Variants in TUBA8 observed in about 807,000 individuals in gnomAD.
The protein encoded by TUBA8 is tubulin alpha 8.
TUBA8 carries 29 observed loss-of-function variants against 34.7 expected under a neutral mutation model. The ratio of observed to expected loss-of-function variants is 0.84; its 90% confidence interval spans 0.62 to 1.14. The LOEUF is 1.14. Among genes scored for constraint, TUBA8 ranks in the 50% most tolerant of loss-of-function variants. The probability of loss-of-function intolerance (pLI) is 0.00; values close to 1 mark genes in which losing one functional copy is unlikely to be tolerated. For missense variants in TUBA8, 541 were observed against 599.2 expected, an observed-to-expected ratio of 0.90 and a Z score of 1.01; for synonymous variants, 226 against 231.2, an observed-to-expected ratio of 0.98 and a Z score of 0.21.
rs759580301 is a variant in TUBA8, at chr22:18,121,506, C to G, written c.31C>G (p.Gln11Glu). 1.2e-6 allele frequency: 2 copies of G among 1,614,196 alleles called. No individual in the cohort carries two copies. The highest frequency in any genetic ancestry group is 1.1e-5 in the South Asian group (1 of 91,084). The change falls in exon 2 of 5, where the codon CAA (glutamine) becomes GAA (glutamate). Residue 11 changes from glutamine to glutamate, a missense_variant. Physicochemically the swap from Gln to Glu is conservative, Grantham distance 29. Transcript: ENST00000330423. This position sits in a 1 kb window ranked among gnomAD's most constrained non-coding sequence, Gnocchi z 4.8. The part of the protein sequence containing the change: MRECISVHVG[Q>E]AGVQIGNACW... ...GGAATGCATATCAGTCCACGTGGGC[C>G]AAGCGGGAGTTCAGATTGGCAATGC... is the stretch of plus-strand genomic sequence containing the variant.
In TUBA8 at chr22:18,124,231, A is replaced by G. The variant is rs889001153; in HGVS notation, c.302A>G (p.Asn101Ser). The G allele has an allele frequency of 6.2e-7, 1 of 1,614,192 alleles. No individual in the cohort carries two copies. The highest frequency in any genetic ancestry group is 8.5e-7 in the Non-Finnish European group (1 of 1,180,034). Residue 101 changes from asparagine to serine, a missense_variant, in exon 3 of 5, where the codon AAC becomes AGC. Physicochemically the swap from Asn to Ser is conservative, Grantham distance 46 (BLOSUM62 1). Coordinates refer to ENST00000330423, the MANE Select transcript of TUBA8 (RefSeq NM_018943.3). The surrounding 1 kb of genome is among the most constrained non-coding windows in gnomAD (Gnocchi z 4.3). ...QLITGKEDAA[N>S]NYARGHYTVG... ...ATCACAGGAAAGGAGGATGCAGCCAACAACTATGCCCGGGGCCACTACACG... is the reference window on the plus strand; with the variant it reads ...ATCACAGGAAAGGAGGATGCAGCCAGCAACTATGCCCGGGGCCACTACACG...
chr22:18,115,948 C>T (rs1451195356), intron 1 of TUBA8: 1 of 152,290 alleles, frequency 6.6e-6, no homozygotes, highest in Non-Finnish European at 1.5e-5. Flanking sequence ...GACCCCCTCC[C>T]CTCACAGGGA....
chr22:18,113,170 T>C (rs1927863229), intron 1 of TUBA8: 1 of 152,240 alleles, frequency 6.6e-6, no homozygotes, highest in Admixed American at 6.5e-5. Context: ...TCTCCCCAGC[T>C]ACCCACTGCA....
rs1602486283 is a variant in TUBA8 at position 18,111,156 on chromosome 22, G to C, written c.3+288G>C. ...AGGCCCTGGGGAGCCCGACGGAGAAGGGGGCGAGATTCTGGGGTCCCCAGA... is the reference window on the plus strand; with the variant it reads ...AGGCCCTGGGGAGCCCGACGGAGAACGGGGCGAGATTCTGGGGTCCCCAGA... On this transcript the variant is annotated intron_variant, in intron 1 of 4. Coordinates refer to ENST00000330423, the MANE Select transcript of TUBA8 (RefSeq NM_018943.3). The surrounding 1 kb of genome is among the most constrained non-coding windows in gnomAD (Gnocchi z 5.1). The C allele has an allele frequency of 1.8e-6, 1 of 564,262 alleles. No homozygotes were observed. Among genetic ancestry groups the C allele is most frequent in the Middle Eastern group, 4.7e-4 (1 of 2,120 alleles). The allele number at this position is 564,262 out of a possible 1,614,324, so 35.0% of individuals were successfully genotyped here. A position where few individuals can be genotyped will look rare whatever the true frequency, so the allele number is the denominator to read the frequency against.
intron 4 of TUBA8, chr22:18,130,110 C>G (rs1479927328): frequency 6.6e-6 from 1 of 152,192 alleles, no homozygotes; most frequent in African/African-American, 2.4e-5. Flanking sequence ...CCTTTCGGCT[C>G]TCTTTATTTA....
intron 1 of TUBA8, chr22:18,117,389 C>CA (rs1928005395): frequency 6.6e-6 from 1 of 152,496 alleles, no homozygotes; most frequent in African/African-American, 2.4e-5. Flanking sequence ...AGAATTCAGT[C>CA]AGAGTCCCCA....
chr22:18,119,109 G>GA lies in TUBA8; in HGVS notation c.4-2366dup, dbSNP rs1390925341. On this transcript the variant is annotated intron_variant, in intron 1 of 4. Transcript: ENST00000330423. This position sits in a 1 kb window ranked among gnomAD's most constrained non-coding sequence, Gnocchi z 5.9. Reference sequence around the variant, plus strand: ...CACAGAGGACACTGTCACTTAGAAGGAAAATACATAGGATCAGGCCCCCCT... The same window carrying GA: ...CACAGAGGACACTGTCACTTAGAAGGAAAAATACATAGGATCAGGCCCCCCT... The GA allele has an allele frequency of 6.6e-6, 1 of 152,216 alleles. No homozygotes were observed. Among genetic ancestry groups the GA allele is most frequent in the African/African-American group, 2.4e-5 (1 of 41,416 alleles). 9.4% of individuals were successfully genotyped at this position (152,216 alleles called of 1,614,324 possible).
intron 1 of TUBA8, chr22:18,116,175 G>A (rs1927967891): frequency 1.3e-5 from 2 of 152,302 alleles, no homozygotes; most frequent in African/African-American, 4.8e-5. Flanking sequence ...CTGAGAAGCG[G>A]ACTTCTGGTT....
At chr22:18,129,450 C>G (rs1369352855) in intron 4 of TUBA8, 1 of 152,266 alleles carries the variant, frequency 6.6e-6, no homozygotes, top group Non-Finnish European at 1.5e-5. Context: ...CTTGTCCCCA[C>G]TTGACTCAGG....
chr22:18,122,574 C>G (rs1332624580), intron 2 of TUBA8: 2 of 152,060 alleles, frequency 1.3e-5, no homozygotes, highest in Non-Finnish European at 2.9e-5. Flanking sequence ...TTGTGTGGAC[C>G]CTTGGAAGTG....
chr22:18,110,907 G>T lies in TUBA8; in HGVS notation c.3+39G>T. On this transcript the variant is annotated intron_variant, in intron 1 of 4. Transcript: ENST00000330423. The surrounding 1 kb of genome is among the most constrained non-coding windows in gnomAD (Gnocchi z 6.2). The stretch of plus-strand genomic sequence containing the variant: ...GGGCCAGGCGGGCTGCGGGCGCGCG[G>T]CAGGCGTAGGACCGAGAGCCGAGTC... 1 of 1,541,468 alleles carries T rather than the reference G, an allele frequency of 6.5e-7. No individual in the cohort carries two copies. Among genetic ancestry groups the T allele is most frequent in the East Asian group, 2.4e-5 (1 of 41,664 alleles).
At chr22:18,123,554 C>T (rs912727208) in intron 2 of TUBA8, 6 of 154,682 alleles carry the variant, frequency 3.9e-5, no homozygotes, top group Non-Finnish European at 8.5e-5. Flanking sequence ...TGCACCCGGC[C>T]GGCCCAAGTT....
At chr22:18,130,455 C>A in intron 4 of TUBA8, 1 of 248,074 alleles carries the variant, frequency 4.0e-6, no homozygotes, top group East Asian at 9.3e-5. Flanking sequence ...CAGGGTCTTG[C>A]TGTGTCCCTG....
chr22:18,129,474 G>C (rs1232116458), intron 4 of TUBA8: 1 of 152,250 alleles, frequency 6.6e-6, no homozygotes, highest in Admixed American at 6.5e-5. Context: ...AGAGATGTTA[G>C]CACTTAGAGG....
At position 18,110,906 on chromosome 22, in the gene TUBA8, G is replaced by T. The variant is rs756293215; in HGVS notation, c.3+38G>T. The T allele has an allele frequency of 2.6e-6, 4 of 1,541,500 alleles. No homozygotes were observed. The highest frequency in any genetic ancestry group is 2.6e-6 in the Non-Finnish European group (3 of 1,150,572). ...GGGGCCAGGCGGGCTGCGGGCGCGC[G>T]GCAGGCGTAGGACCGAGAGCCGAGT... On this transcript the variant is annotated intron_variant, in intron 1 of 4. Coordinates refer to ENST00000330423, the MANE Select transcript of TUBA8 (RefSeq NM_018943.3). The surrounding 1 kb of genome is among the most constrained non-coding windows in gnomAD (Gnocchi z 6.2).
rs150179251 is a variant in TUBA8, at chr22:18,131,126, A to G, written c.1340A>G (p.Glu447Gly). The G allele has an allele frequency of 1.5e-5, 24 of 1,613,816 alleles. No individual in the cohort carries two copies. The African/African-American group carries it at 2.7e-4, about 18-fold the overall frequency. Residue 447 changes from glutamate to glycine, a missense_variant, in exon 5 of 5, where the codon GAG becomes GGG. By Grantham distance (98) the Glu-to-Gly change is moderately conservative. Transcript: ENST00000330423. This position sits in a 1 kb window ranked among gnomAD's most constrained non-coding sequence, Gnocchi z 5.3. ...TCGTTTGAAGAAGAAAATGAAGGGGAGGAATTTTAAATATATACCTTCCCC... is the reference window on the plus strand; with the variant it reads ...TCGTTTGAAGAAGAAAATGAAGGGGGGGAATTTTAAATATATACCTTCCCC... ...TDSFEEENEG[E>G]EF
intron 1 of TUBA8, chr22:18,114,057 G>C (rs999264268): frequency 6.6e-6 from 1 of 152,240 alleles, no homozygotes; most frequent in Non-Finnish European, 1.5e-5. Flanking sequence ...GGCACTGTCG[G>C]GGGGAGGAAG....
Position 18,121,661 on chromosome 22 carries a change from G to T in TUBA8, c.186G>T (p.Val62=). 1 of 1,614,202 alleles carries T rather than the reference G, an allele frequency of 6.2e-7. No homozygotes were observed. Among genetic ancestry groups the T allele is most frequent in the Non-Finnish European group, 8.5e-7 (1 of 1,180,042 alleles). ...FFSETGNGKH[V]PRAVMIDLEP... is the part of the protein sequence containing the mutation. The stretch of plus-strand genomic sequence containing the variant: ...GCGAGACTGGCAATGGGAAGCATGT[G>T]CCCCGGGCCGTCATGATAGATCTGG... Residue 62 remains valine (V), a synonymous_variant, in exon 2 of 5, where the codon GTG becomes GTT. Transcript: ENST00000330423. This position sits in a 1 kb window ranked among gnomAD's most constrained non-coding sequence, Gnocchi z 4.8.
chr22:18,130,440 A>G lies in TUBA8; in HGVS notation c.1057-403A>G, dbSNP rs184984679. ...TACTTTTTTTTTTGTTTTGCTTTTA[A>G]GAGACAGGGTCTTGCTGTGTCCCTG... is the stretch of plus-strand genomic sequence containing the variant. On this transcript the variant is annotated intron_variant, in intron 4 of 4. Coordinates refer to ENST00000330423, the MANE Select transcript of TUBA8 (RefSeq NM_018943.3). The G allele has an allele frequency of 3.6e-3, 721 of 201,488 alleles. 2 individuals carry two copies. The highest frequency in any genetic ancestry group is 5.1e-3 in the Non-Finnish European group (502 of 98,900). The allele number at this position is 201,488 out of a possible 1,614,324, so 12.5% of individuals were successfully genotyped here.
Sources: allele counts gnomAD v4.1 joint callset, GRCh38; gene constraint gnomAD v4.1.1; non-coding constraint Gnocchi (gnomAD v3.1); transcripts MANE v1.5; gene names NCBI Gene and HGNC (gene_info 2026-07-23, HGNC 2026-07-21).